Variants in USP35 observed in about 807,000 individuals in gnomAD.
The protein encoded by USP35 is ubiquitin specific peptidase 35.
USP35 carries 69 observed loss-of-function variants against 83.8 expected under a neutral mutation model. The observed-to-expected ratio is 0.82, with a 90% CI of 0.68 to 1.01. The LOEUF (loss-of-function observed/expected upper bound fraction) is 1.01, where lower values mean the gene tolerates loss of function less well. Ranked by LOEUF, USP35 falls within the 50% of genes least tolerant of loss-of-function variation. USP35 has a pLI of 0.00. For synonymous variants in USP35, 714 were observed against 589.5 expected (o/e 1.21, Z -3.06); for missense variants, 1,503 against 1,362.5 (o/e 1.10, Z -1.62).
the USP35 span, among the ~76,000 whole-genome samples, chr11:78,224,589 C>T: frequency 2.0e-5 from 3 of 152,192 alleles, no homozygotes; most frequent in South Asian, 2.1e-4. Context: ...CCTTGGTTAC[C>T]TGATTTCACT....
intron 6 of USP35, among the ~76,000 whole-genome samples, chr11:78,205,309 C>T (rs946193634): frequency 1.3e-5 from 2 of 152,234 alleles, no homozygotes; most frequent in Admixed American, 1.3e-4. Context: ...ATGGGCACAT[C>T]ATTGTGTGCC....
chr11:78,231,415 C>G, the USP35 span, among the ~76,000 whole-genome samples: 1 of 151,642 alleles, frequency 6.6e-6, no homozygotes, highest in African/African-American at 2.4e-5. Context: ...GTGATGCAAT[C>G]TTGGCTCACT....
the USP35 span, chr11:78,222,252 A>C: frequency 1.1e-5 from 12 of 1,069,790 alleles, no homozygotes; most frequent in Non-Finnish European, 1.6e-5. Flanking sequence ...CTACACATAC[A>C]CACCTTATAT....
the USP35 span, among the ~76,000 whole-genome samples, chr11:78,225,769 T>C: frequency 2.6e-5 from 4 of 152,208 alleles, no homozygotes; most frequent in African/African-American, 4.8e-5. Flanking sequence ...TTAACTGTCA[T>C]TGGCCTCATG....
chr11:78,209,196 C>T (rs1323470938), intron 9 of USP35, among the ~76,000 whole-genome samples: 2 of 152,114 alleles, frequency 1.3e-5, no homozygotes, highest in African/African-American at 4.8e-5. Flanking sequence ...CACACCGGGC[C>T]GTGCATCTTT....
At position 78,200,196 on chromosome 11, in the gene USP35, C is replaced by A. The variant is rs759646870; in HGVS notation, c.1000C>A (p.Leu334Ile). ...TGCCTTGTCTGTGCTCAAGTACATG[C>A]TCCTGACCTTCCAGCACTCCCACGA... ...GAALSVLKYM[L>I]LTFQHSHEAF... Residue 334 changes from leucine (L) to isoleucine (I), a missense_variant, in exon 5 of 11, where the codon CTC (leucine) becomes ATC (isoleucine). Coordinates refer to ENST00000529308, the MANE Select transcript of USP35 (RefSeq NM_020798.4). 3.1e-6 allele frequency: 5 copies of A among 1,614,170 alleles called. No individual in the cohort carries two copies. The highest frequency in any genetic ancestry group is 3.4e-6 in the Non-Finnish European group (4 of 1,180,020).
chr11:78,230,406 TTAC>T, the USP35 span, among the ~76,000 whole-genome samples: 7 of 152,244 alleles, frequency 4.6e-5, no homozygotes, highest in Non-Finnish European at 1.5e-5. Flanking sequence ...CATCAACACC[TTAC>T]ACAAAGTCCA....
chr11:78,233,663 GTGGTGCCAT>G, the USP35 span, among the ~76,000 whole-genome samples: 1 of 152,116 alleles, frequency 6.6e-6, no homozygotes, highest in Admixed American at 6.5e-5. Flanking sequence ...CTAGAGTGCA[GTGGTGCCAT>G]CTTGGCTCAC....
the USP35 span, chr11:78,222,029 A>C: frequency 1.0e-6 from 1 of 956,384 alleles, no homozygotes; most frequent in African/African-American, 1.6e-5. Flanking sequence ...GTCCCGGCCC[A>C]CAGGCCAGCT....
downstream of USP35, chr11:78,219,530 C>T (rs144580821): frequency 9.4e-5 from 85 of 900,988 alleles, 1 homozygote; most frequent in South Asian, 8.3e-4. Context: ...AGCATGGCCT[C>T]TGCCTGCCAC....
intron 3 of USP35, chr11:78,199,116 C>G (rs1051442217): frequency 1.1e-5 from 2 of 174,658 alleles, no homozygotes; most frequent in South Asian, 2.8e-4. Context: ...TGAATACGAC[C>G]TAAGTGTTAG....
chr11:78,211,385 G>C (rs1863767798), intron 10 of USP35, among the ~76,000 whole-genome samples: 1 of 152,048 alleles, frequency 6.6e-6, no homozygotes, highest in South Asian at 2.1e-4. Flanking sequence ...CCATGTCTTT[G>C]CTATTGTGAA....
chr11:78,212,096 C>T (rs1863804454), intron 10 of USP35, among the ~76,000 whole-genome samples: 1 of 152,142 alleles, frequency 6.6e-6, no homozygotes, highest in Non-Finnish European at 1.5e-5. Flanking sequence ...AGTCTTTAAT[C>T]CATCGAGTGA....
the USP35 span, among the ~76,000 whole-genome samples, chr11:78,225,924 GA>G: frequency 6.6e-6 from 1 of 152,204 alleles, no homozygotes. Flanking sequence ...TCATACAGAG[GA>G]GGTTACATGC....
At chr11:78,220,680 G>T in the USP35 span, among the ~76,000 whole-genome samples, 1 of 152,144 alleles carries the variant, frequency 6.6e-6, no homozygotes, top group Non-Finnish European at 1.5e-5. Flanking sequence ...TTTACTTTCA[G>T]AGAAGTGACT....
chr11:78,221,356 A>G, the USP35 span, among the ~76,000 whole-genome samples: 5 of 152,280 alleles, frequency 3.3e-5, no homozygotes, highest in East Asian at 9.7e-4. Context: ...AGATACCTCC[A>G]CCACTGAGGA....
Position 78,209,503 on chromosome 11 carries a change from A to G in USP35, c.1648A>G (p.Ser550Gly), listed in dbSNP as rs1285714604. 1 of 1,613,942 alleles carries G rather than the reference A, an allele frequency of 6.2e-7. No individual in the cohort carries two copies. Among genetic ancestry groups the G allele is most frequent in the Non-Finnish European group, 8.5e-7 (1 of 1,179,886 alleles). Residue 550 changes from serine to glycine, a missense_variant, in exon 10 of 11, where the codon AGC (serine) becomes GGC (glycine). Physicochemically the swap from Ser to Gly is moderately conservative, Grantham distance 56. Coordinates refer to ENST00000529308, the MANE Select transcript of USP35 (RefSeq NM_020798.4). The stretch of plus-strand genomic sequence containing the variant: ...GATCTGCCAGAAACTCAAGCAGTCC[A>G]GCTCGCCCTCTCCGCCCGAGGAGCC... ...TRICQKLKQS[S>G]SPSPPEEPPA...
chr11:78,199,651 C>T lies in USP35; in HGVS notation c.863C>T (p.Ala288Val). The T allele has an allele frequency of 1.9e-6, 3 of 1,614,128 alleles. No individual in the cohort carries two copies. Among genetic ancestry groups the T allele is most frequent in the Non-Finnish European group, 2.5e-6 (3 of 1,180,002 alleles). The change falls in exon 4 of 11, where the codon GCA (alanine) becomes GTA (valine). Residue 288 changes from alanine (A) to valine (V), a missense_variant. Coordinates refer to ENST00000529308, the MANE Select transcript of USP35 (RefSeq NM_020798.4). The part of the protein sequence containing the change: ...LGKNIDKWII[A>V]LLKGLAAVKK... Reference sequence around the variant, plus strand: ...AAGAATATTGACAAGTGGATCATTGCACTGCTGAAGGGCCTGGCTGCTGTT... The same window carrying T: ...AAGAATATTGACAAGTGGATCATTGTACTGCTGAAGGGCCTGGCTGCTGTT...
At chr11:78,223,808 T>C in the USP35 span, 1 of 711,820 alleles carries the variant, frequency 1.4e-6, no homozygotes, top group East Asian at 2.8e-5. Context: ...AAGGGAGACC[T>C]TGGGGAGACC....
Sources: gnomAD v4.1 joint callset for allele counts (sites outside exome capture counted in the v4.1 genomes callset) on GRCh38, gnomAD v4.1.1 for gene constraint, MANE v1.5 for transcripts, NCBI Gene and HGNC (gene_info 2026-07-23, HGNC 2026-07-21) for gene names.